Variants in PDE1C observed in about 807,000 individuals in gnomAD.
PDE1C encodes phosphodiesterase 1C.
Under a neutral mutation model 93.1 loss-of-function variants are expected in PDE1C, and 62 were observed. The observed-to-expected ratio is 0.67, with a 90% confidence interval of 0.54 to 0.82. PDE1C has a LOEUF of 0.82. Among genes scored for constraint, PDE1C ranks in the 40% least tolerant of loss-of-function variants. The pLI, the probability that PDE1C is intolerant of heterozygous loss-of-function variation, is 0.00. For missense variants in PDE1C, 742 were observed against 884.6 expected, an observed-to-expected ratio of 0.84 and a Z score of 2.04; for synonymous variants, 325 against 310.1, an observed-to-expected ratio of 1.05 and a Z score of -0.50.
chr7:32,307,879 G>C (rs903369245), intron 1 of PDE1C, among the ~76,000 whole-genome samples: 1 of 152,246 alleles, frequency 6.6e-6, no homozygotes, highest in Non-Finnish European at 1.5e-5. Flanking sequence ...CAGATAGTGG[G>C]TGCAGGACAG....
At chr7:32,181,217 C>T (rs369114928) in intron 2 of PDE1C, among the ~76,000 whole-genome samples, 41 of 152,290 alleles carry the variant, frequency 2.7e-4, no homozygotes, top group Admixed American at 6.5e-4. Context: ...TAACACCCCA[C>T]TGTCAACATT....
At chr7:31,834,008 C>A (rs1282221369) in intron 11 of PDE1C, among the ~76,000 whole-genome samples, 3 of 152,214 alleles carry the variant, frequency 2.0e-5, no homozygotes, top group Admixed American at 2.0e-4. Flanking sequence ...TGGTGCCCTG[C>A]ATCCCAGATG....
At chr7:32,103,813 A>G (rs182071102) in intron 3 of PDE1C, among the ~76,000 whole-genome samples, 1 of 152,328 alleles carries the variant, frequency 6.6e-6, no homozygotes, top group African/African-American at 2.4e-5. Context: ...AGAGTAACTG[A>G]TATCTACAGC....
At chr7:32,091,625 T>C (rs11762570) in intron 3 of PDE1C, among the ~76,000 whole-genome samples, 95,356 of 151,628 alleles carry the variant, frequency 0.63, 30,269 homozygotes, top group African/African-American at 0.71. Flanking sequence ...AGAAGCAAGG[T>C]GGCTAATGTA....
chr7:32,013,188 GT>G (rs1275116510), intron 2 of PDE1C, among the ~76,000 whole-genome samples: 2 of 152,140 alleles, frequency 1.3e-5, no homozygotes, highest in Non-Finnish European at 2.9e-5. Flanking sequence ...TCAAAAGTAA[GT>G]TTTTTAATTA....
At chr7:32,175,192 TA>T (rs1020689825) in intron 2 of PDE1C, among the ~76,000 whole-genome samples, 7 of 152,300 alleles carry the variant, frequency 4.6e-5, no homozygotes, top group African/African-American at 1.7e-4. Context: ...CTTCATCTTC[TA>T]AAAAGGCTAG....
intron 1 of PDE1C, among the ~76,000 whole-genome samples, chr7:32,333,114 T>C (rs1783546010): frequency 6.6e-6 from 1 of 152,046 alleles, no homozygotes; most frequent in South Asian, 2.1e-4. Context: ...TTACAATAAA[T>C]AACCAAAACC....
chr7:32,121,703 C>T (rs1201310317), intron 3 of PDE1C, among the ~76,000 whole-genome samples: 1 of 152,138 alleles, frequency 6.6e-6, no homozygotes, highest in Non-Finnish European at 1.5e-5. Context: ...GCCTGCCTTG[C>T]AAGAACTCCT....
At chr7:31,744,244 G>T in the PDE1C span, among the ~76,000 whole-genome samples, 2 of 151,554 alleles carry the variant, frequency 1.3e-5, no homozygotes, top group African/African-American at 4.9e-5. Context: ...ACAGATTAAG[G>T]TTTCTTTATG....
At chr7:32,375,707 C>G (rs1784421756) in intron 1 of PDE1C, among the ~76,000 whole-genome samples, 1 of 152,266 alleles carries the variant, frequency 6.6e-6, no homozygotes, top group Non-Finnish European at 1.5e-5. Context: ...CTTCTAGCCT[C>G]TGCTCTGCTG....
intron 7 of PDE1C, among the ~76,000 whole-genome samples, chr7:31,864,577 A>T (rs1795057875): frequency 6.6e-6 from 1 of 152,254 alleles, no homozygotes; most frequent in South Asian, 2.1e-4. Context: ...TGCCAAGTAC[A>T]TTGAATACAA....
upstream of PDE1C, among the ~76,000 whole-genome samples, chr7:32,073,782 CA>C (rs1259737245): frequency 3.9e-5 from 6 of 152,042 alleles, no homozygotes; most frequent in Non-Finnish European, 5.9e-5. Context: ...AGCAACACCA[CA>C]AGCCACAATT....
intron 3 of PDE1C, among the ~76,000 whole-genome samples, chr7:32,149,712 C>T (rs1024213190): frequency 3.3e-5 from 5 of 152,088 alleles, no homozygotes; most frequent in South Asian, 2.1e-4. Context: ...AGGAGTTAAA[C>T]GTTCATAAAG....
intron 1 of PDE1C, among the ~76,000 whole-genome samples, chr7:32,358,152 T>C (rs953147285): frequency 5.9e-5 from 9 of 152,174 alleles, no homozygotes; most frequent in African/African-American, 2.2e-4. Flanking sequence ...CCACGCAGTG[T>C]CTGTCAAAAT....
intron 7 of PDE1C, among the ~76,000 whole-genome samples, chr7:31,860,227 A>G (rs537418565): frequency 3.9e-5 from 6 of 152,328 alleles, no homozygotes; most frequent in African/African-American, 1.4e-4. Context: ...TTATTTGGCA[A>G]GGTCTGGAGA....
intron 2 of PDE1C, among the ~76,000 whole-genome samples, chr7:31,972,890 T>A (rs990735159): frequency 6.6e-6 from 1 of 152,044 alleles, no homozygotes; most frequent in South Asian, 2.1e-4. Flanking sequence ...ATCTTCTGCC[T>A]CCAAATTTGG....
intron 1 of PDE1C, among the ~76,000 whole-genome samples, chr7:32,211,603 AAAG>A (rs752212255): frequency 2.6e-5 from 4 of 151,954 alleles, no homozygotes; most frequent in South Asian, 4.2e-4. Context: ...GGGGGTAAGA[AAAG>A]AGAGAGGGGA....
rs112872992 is a variant in PDE1C, at chr7:32,093,462, A to G, written c.308+76323T>C. 4.5e-3 allele frequency among the ~76,000 whole-genome samples: 682 copies of G among 152,318 alleles called. 7 individuals carry two copies. The highest frequency in any genetic ancestry group is 0.016 in the African/African-American group (649 of 41,568). On this transcript the variant is annotated intron_variant, in intron 3 of 18. Transcript: ENST00000396193. ...TTTATACTGCTGACTCATTTACCCA[A>G]GGACTCTGGCCCAGTATCTTGTTGA... is the stretch of plus-strand genomic sequence containing the variant.
At chr7:31,998,589 A>G (rs752613720) in intron 2 of PDE1C, among the ~76,000 whole-genome samples, 1 of 152,232 alleles carries the variant, frequency 6.6e-6, no homozygotes, top group Non-Finnish European at 1.5e-5. Context: ...ATAATCCTTC[A>G]TAATCAGGTA....
Sources: gnomAD v4.1 joint callset for allele counts (sites outside exome capture counted in the v4.1 genomes callset) on GRCh38, gnomAD v4.1.1 for gene constraint, MANE v1.5 for transcripts, NCBI Gene and HGNC (gene_info 2026-07-23, HGNC 2026-07-21) for gene names.